The following DLG2 variants were observed in gnomAD, a reference collection of about 807,000 sequenced individuals.
DLG2 encodes the protein discs large MAGUK scaffold protein 2, also known as disks large homolog 2.
DLG2 carries 45 observed loss-of-function variants against 132.5 expected under a neutral mutation model. The ratio of observed to expected loss-of-function variants is 0.34; its 90% CI spans 0.27 to 0.44. The LOEUF is 0.44. Among genes scored for constraint, DLG2 ranks in the 20% least tolerant of loss-of-function variants. The pLI is 1.00. For synonymous variants in DLG2, 424 were observed against 419.6 expected, an observed-to-expected ratio of 1.01 and a Z score of -0.13; for missense variants, 1,045 against 1,196.9, an observed-to-expected ratio of 0.87 and a Z score of 1.87.
chr11:84,608,259 T>C (rs886798237), intron 6 of DLG2, among the ~76,000 whole-genome samples: 1 of 152,180 alleles, frequency 6.6e-6, no homozygotes, highest in African/African-American at 2.4e-5. Context: ...GAACATTTTA[T>C]AACACAAAAG....
chr11:84,199,915 GA>G (rs1161483820), intron 8 of DLG2, among the ~76,000 whole-genome samples: 1 of 151,852 alleles, frequency 6.6e-6, no homozygotes, highest in Admixed American at 6.6e-5. Flanking sequence ...CAAGTTTGAT[GA>G]AAAAAACCAC....
Position 83,467,810 on chromosome 11 carries a change from T to TACACAC in DLG2, c.2620-999_2620-994dup, listed in dbSNP as rs1213812731. On this transcript the variant is annotated intron_variant, in intron 25 of 27. Coordinates refer to ENST00000376104, the MANE Select transcript of DLG2 (RefSeq NM_001142699.3). ...ATATATATATATATATATATATATA[T>TACACAC]ACACACACACATATAAAATATATAA... 4.8e-3 allele frequency among the ~76,000 whole-genome samples: 466 copies of TACACAC among 96,210 alleles called. 6 individuals are homozygous for TACACAC. The highest frequency in any genetic ancestry group is 7.4e-3 in the Non-Finnish European group (365 of 49,388). 63.1% of individuals were successfully genotyped at this position (96,210 alleles called of 152,430 possible).
chr11:83,867,534 T>C (rs950559590), intron 16 of DLG2, among the ~76,000 whole-genome samples: 27 of 152,288 alleles, frequency 1.8e-4, no homozygotes, highest in East Asian at 1.9e-4. Flanking sequence ...CTTTCTTTTA[T>C]GGAACAATAA....
chr11:84,097,980 A>G (rs576627676), intron 10 of DLG2, among the ~76,000 whole-genome samples: 2 of 150,282 alleles, frequency 1.3e-5, no homozygotes, highest in African/African-American at 2.5e-5. Context: ...ACTACTCTCT[A>G]TCACTGAGAA....
At chr11:84,869,640 A>G (rs1015043717) in intron 6 of DLG2, among the ~76,000 whole-genome samples, 4 of 152,174 alleles carry the variant, frequency 2.6e-5, no homozygotes, top group African/African-American at 4.8e-5. Flanking sequence ...CTCCTGACAA[A>G]ATTGCCACTA....
intron 11 of DLG2, among the ~76,000 whole-genome samples, chr11:84,038,712 A>G (rs2095952910): frequency 6.6e-6 from 1 of 152,070 alleles, no homozygotes; most frequent in African/African-American, 2.4e-5. Flanking sequence ...ACTACCAATA[A>G]AGATATACCC....
chr11:85,455,207 G>A (rs572248854), intron 3 of DLG2, among the ~76,000 whole-genome samples: 14 of 152,128 alleles, frequency 9.2e-5, no homozygotes, highest in East Asian at 7.7e-4. Flanking sequence ...TTGGAGTAGC[G>A]TTTTGTAATT....
At chr11:85,111,540 T>C in intron 6 of DLG2, 121 bp downstream of exon 6, 1 of 696,378 alleles carries the variant, frequency 1.4e-6, no homozygotes, top group Non-Finnish European at 2.3e-6. Context: ...TCTTTCTCCT[T>C]GCAAAATATT....
In DLG2 at chr11:83,762,193, CCTGCCAAATTAAATGT is replaced by C. The variant is rs373985479; in HGVS notation, c.1825+24481_1825+24496del. ...CCATTTATCTGAAGTACAAGACTGC[CCTGCCAAATTAAATGT>C]CTGATTCTTTATTCCCGCCAGTTTC... On this transcript the variant is annotated intron_variant, in intron 18 of 27. Transcript: ENST00000376104. Among the ~76,000 whole-genome samples, 265 of 152,274 alleles carry C rather than the reference CCTGCCAAATTAAATGT, an allele frequency of 1.7e-3. 1 individual carries two copies. Among genetic ancestry groups the C allele is most frequent in the African/African-American group, 6.3e-3 (263 of 41,536 alleles).
chr11:85,094,191 G>C (rs1368618032), intron 6 of DLG2, among the ~76,000 whole-genome samples: 2 of 152,184 alleles, frequency 1.3e-5, no homozygotes, highest in South Asian at 2.1e-4. Context: ...TCCAGGCTTT[G>C]TTCTTCCAAT....
Position 84,114,793 on chromosome 11 carries a change from C to T in DLG2, c.625-15746G>A, listed in dbSNP as rs779168752. ...TCTTTCACGTCAGCTTCCCAAGTAG[C>T]TGGGAATACAGGCACAAACCATGAA... On this transcript the variant is annotated intron_variant, in intron 9 of 27. Transcript: ENST00000376104. Among the ~76,000 whole-genome samples, 22 of 150,096 alleles carry T rather than the reference C, an allele frequency of 1.5e-4. 1 individual carries two copies. The highest frequency in any genetic ancestry group is 8.0e-4 in the Admixed American group (12 of 15,058).
intron 6 of DLG2, among the ~76,000 whole-genome samples, chr11:84,734,500 T>A (rs560612700): frequency 2.0e-5 from 3 of 152,324 alleles, no homozygotes; most frequent in South Asian, 2.1e-4. Context: ...ATCCTGAGAC[T>A]TTGCTGAAGT....
intron 7 of DLG2, among the ~76,000 whole-genome samples, chr11:84,484,739 A>G (rs781514068): frequency 6.6e-6 from 1 of 152,132 alleles, no homozygotes; most frequent in African/African-American, 2.4e-5. Flanking sequence ...CTGGAGCTTG[A>G]TAAGTTCAAA....
chr11:84,842,381 C>A (rs1036829174), intron 6 of DLG2, among the ~76,000 whole-genome samples: 1 of 151,898 alleles, frequency 6.6e-6, no homozygotes, highest in Admixed American at 6.6e-5. Flanking sequence ...GATTCAATGT[C>A]CCCCGTATGT....
intron 6 of DLG2, among the ~76,000 whole-genome samples, chr11:84,900,461 G>A (rs968171764): frequency 1.3e-5 from 2 of 151,996 alleles, no homozygotes; most frequent in Non-Finnish European, 2.9e-5. Flanking sequence ...TTGGGGGAAT[G>A]AAAAGTAACT....
intron 21 of DLG2, among the ~76,000 whole-genome samples, chr11:83,501,952 C>G (rs1317777843): frequency 6.6e-6 from 1 of 152,128 alleles, no homozygotes; most frequent in Non-Finnish European, 1.5e-5. Flanking sequence ...CAGCTTAACC[C>G]TGTAAGGAGG....
intron 15 of DLG2, among the ~76,000 whole-genome samples, chr11:83,912,192 G>A (rs2076195084): frequency 6.6e-6 from 1 of 152,000 alleles, no homozygotes; most frequent in South Asian, 2.1e-4. Context: ...GGAGACATAT[G>A]TCAAATGGAG....
At chr11:84,970,250 A>G in intron 6 of DLG2, among the ~76,000 whole-genome samples, 1 of 152,052 alleles carries the variant, frequency 6.6e-6, no homozygotes, top group South Asian at 2.1e-4. Flanking sequence ...GTTGAAGACA[A>G]TCTCACCAGT....
chr11:85,268,893 G>A (rs1221543732), intron 4 of DLG2, among the ~76,000 whole-genome samples: 2 of 152,216 alleles, frequency 1.3e-5, no homozygotes, highest in Non-Finnish European at 2.9e-5. Flanking sequence ...TATTTGCCCT[G>A]TGGTTTCAAA....
Sources: gnomAD v4.1 joint callset for allele counts (sites outside exome capture counted in the v4.1 genomes callset) on GRCh38, gnomAD v4.1.1 for gene constraint, MANE v1.5 for transcripts, NCBI Gene and HGNC (gene_info 2026-07-23, HGNC 2026-07-21) for gene names.